NMNAT2: variants seen among roughly 807,000 people sequenced by gnomAD.
NMNAT2 encodes nicotinamide nucleotide adenylyltransferase 2.
Under a neutral mutation model 41.6 loss-of-function variants are expected in NMNAT2, and 11 were observed. The observed-to-expected ratio is 0.26, with a 90% CI of 0.17 to 0.44. NMNAT2 has a LOEUF of 0.44. Ranked by LOEUF, NMNAT2 falls within the 20% of genes least tolerant of loss-of-function variation. NMNAT2 has a pLI of 1.00. For missense variants in NMNAT2, 288 were observed against 407.7 expected, an observed-to-expected ratio of 0.71 and a Z score of 2.53; for synonymous variants, 148 against 151.2, an observed-to-expected ratio of 0.98 and a Z score of 0.16.
chr1:183,380,956 G>T (rs1175875922), intron 1 of NMNAT2, among the ~76,000 whole-genome samples: 5 of 152,150 alleles, frequency 3.3e-5, no homozygotes, highest in African/African-American at 7.2e-5. Flanking sequence ...TTTTAGAAAG[G>T]TCGATCTAGA....
At position 183,251,410 on chromosome 1, in the gene NMNAT2, T is replaced by TA; in HGVS notation, c.*1230dup. On this transcript the variant is annotated 3_prime_UTR_variant, in exon 11 of 11. Coordinates refer to ENST00000287713, the MANE Select transcript of NMNAT2 (RefSeq NM_015039.4). Reference sequence around the variant, plus strand: ...GCTTTCTCCTAGTTCATCCTGGACTTACAATATGAAAGAGACATTTCCCAG... The same window carrying TA: ...GCTTTCTCCTAGTTCATCCTGGACTTAACAATATGAAAGAGACATTTCCCAG... 6.6e-6 allele frequency: 1 copy of TA among 152,404 alleles called. No homozygotes were observed. The highest frequency in any genetic ancestry group is 2.1e-4 in the South Asian group (1 of 4,830). The allele number at this position is 152,404 out of a possible 1,614,324, so 9.4% of individuals were successfully genotyped here.
At chr1:183,391,463 C>T (rs904311246) in intron 1 of NMNAT2, among the ~76,000 whole-genome samples, 1 of 152,158 alleles carries the variant, frequency 6.6e-6, no homozygotes, top group Non-Finnish European at 1.5e-5. Context: ...AGCCTTGCCC[C>T]ATCCGTTCTT....
At chr1:183,314,198 AT>A (rs1662190748) in intron 1 of NMNAT2, among the ~76,000 whole-genome samples, 1 of 152,194 alleles carries the variant, frequency 6.6e-6, no homozygotes, top group Non-Finnish European at 1.5e-5. Flanking sequence ...AGCAAATATA[AT>A]GGGTTCTTTA....
intron 1 of NMNAT2, among the ~76,000 whole-genome samples, chr1:183,409,896 G>A (rs1361552217): frequency 6.6e-6 from 1 of 152,144 alleles, no homozygotes. Context: ...TATCAGGGGG[G>A]TGAATTTTTT....
intron 5 of NMNAT2, among the ~76,000 whole-genome samples, chr1:183,285,134 C>G (rs1167805697): frequency 6.6e-6 from 1 of 152,146 alleles, no homozygotes; most frequent in Non-Finnish European, 1.5e-5. Context: ...AGAGATAACT[C>G]CTGCCAACCT....
chr1:183,303,260 G>C (rs896734445), intron 1 of NMNAT2, among the ~76,000 whole-genome samples: 7 of 152,198 alleles, frequency 4.6e-5, no homozygotes, highest in African/African-American at 1.7e-4. Context: ...GAAGAAGGCA[G>C]GGAAGAATTA....
At chr1:183,305,991 G>T (rs981908706) in intron 1 of NMNAT2, among the ~76,000 whole-genome samples, 4 of 152,064 alleles carry the variant, frequency 2.6e-5, no homozygotes, top group African/African-American at 9.7e-5. Flanking sequence ...CAAAGTGCTG[G>T]GATTATAGGT....
intron 1 of NMNAT2, among the ~76,000 whole-genome samples, chr1:183,316,046 G>A (rs144053866): frequency 2.4e-4 from 36 of 152,170 alleles, no homozygotes; most frequent in African/African-American, 8.4e-4. Flanking sequence ...CTTGGGAGAG[G>A]AGTCAGCCAG....
chr1:183,398,750 A>C (rs1353654905), intron 1 of NMNAT2, among the ~76,000 whole-genome samples: 2 of 152,236 alleles, frequency 1.3e-5, no homozygotes, highest in African/African-American at 2.4e-5. Context: ...ACTCAGGATT[A>C]AGAAACTCAC....
chr1:183,391,716 C>T (rs752984610), intron 1 of NMNAT2, among the ~76,000 whole-genome samples: 23 of 152,180 alleles, frequency 1.5e-4, no homozygotes, highest in Non-Finnish European at 2.9e-4. Context: ...TCCAGCAAAT[C>T]TGCTCGTGTC....
chr1:183,333,535 C>T (rs1662626158), intron 1 of NMNAT2, among the ~76,000 whole-genome samples: 1 of 152,112 alleles, frequency 6.6e-6, no homozygotes, highest in East Asian at 1.9e-4. Flanking sequence ...GGGCCATGAG[C>T]CAAGGAGCGC....
intron 7 of NMNAT2, 47 bp downstream of exon 7, chr1:183,283,948 G>C (rs1200337653): frequency 6.3e-7 from 1 of 1,593,410 alleles, no homozygotes; most frequent in Admixed American, 1.7e-5. Context: ...GTGAAGGCAG[G>C]GAGCTCCAAA....
At chr1:183,299,926 T>C (rs1661804810) in intron 1 of NMNAT2, among the ~76,000 whole-genome samples, 1 of 152,208 alleles carries the variant, frequency 6.6e-6, no homozygotes, top group Admixed American at 6.5e-5. Flanking sequence ...ACTGTTATGG[T>C]CTGTATGTCT....
chr1:183,283,788 G>A, intron 7 of NMNAT2: 1 of 616,776 alleles, frequency 1.6e-6, no homozygotes, highest in Non-Finnish European at 3.0e-6. Flanking sequence ...CCTATCTCTT[G>A]GGAGTTGGCT....
intron 1 of NMNAT2, among the ~76,000 whole-genome samples, chr1:183,417,489 C>A (rs1050091626): frequency 1.3e-5 from 2 of 152,188 alleles, no homozygotes; most frequent in African/African-American, 2.4e-5. Flanking sequence ...CAGGGCCTCC[C>A]GCAGCCTCCG....
chr1:183,290,251 T>A (rs1661506175), intron 3 of NMNAT2, 45 bp from the exon 4 acceptor site: 1 of 1,464,372 alleles, frequency 6.8e-7, no homozygotes, highest in South Asian at 1.2e-5. Context: ...TGTTCTCATA[T>A]TCTTTCCTTA....
chr1:183,284,140 T>TGGGGGG, intron 6 of NMNAT2, 101 bp from the exon 7 acceptor site: 2 of 842,866 alleles, frequency 2.4e-6, no homozygotes, highest in Non-Finnish European at 3.7e-6. Context: ...TGGGATGGGG[T>TGGGGGG]GGGGTGGGTG....
intron 1 of NMNAT2, among the ~76,000 whole-genome samples, chr1:183,391,679 C>T (rs1648486232): frequency 6.6e-6 from 1 of 152,196 alleles, no homozygotes; most frequent in African/African-American, 2.4e-5. Context: ...CTGACACTCA[C>T]TCCAGTCCAG....
At chr1:183,389,104 T>A (rs1188622997) in intron 1 of NMNAT2, among the ~76,000 whole-genome samples, 1 of 152,186 alleles carries the variant, frequency 6.6e-6, no homozygotes, top group Non-Finnish European at 1.5e-5. Context: ...CTTCATCAGG[T>A]ATCTCTGTCC....
Sources: allele counts gnomAD v4.1 joint callset (sites outside exome capture counted in the v4.1 genomes callset), GRCh38; gene constraint gnomAD v4.1.1; transcripts MANE v1.5; gene names NCBI Gene and HGNC (gene_info 2026-07-23, HGNC 2026-07-21).